Variants in SAMSN1 observed in about 807,000 individuals in gnomAD.
The protein encoded by SAMSN1 is SAM domain-containing protein SAMSN-1.
Under a neutral mutation model 42.0 loss-of-function variants are expected in SAMSN1, and 31 were observed. The ratio of observed to expected loss-of-function variants is 0.74; its 90% confidence interval spans 0.55 to 1.00. The LOEUF is 1.00. SAMSN1 is among the 50% of genes least tolerant of loss of function. The pLI, the probability that SAMSN1 is intolerant of heterozygous loss-of-function variation, is 0.00. For missense variants in SAMSN1, 464 were observed against 439.4 expected (o/e 1.06, Z -0.50); for synonymous variants, 178 against 151.9 (o/e 1.17, Z -1.26).
At chr21:14,586,446 A>G (rs1981921840), upstream of SAMSN1, among the ~76,000 whole-genome samples, 1 of 152,150 alleles carries the variant, frequency 6.6e-6, no homozygotes, top group African/African-American at 2.4e-5. Flanking sequence ...TAACCCATAA[A>G]TTAAACCTAG....
At chr21:14,553,736 T>C (rs1182242911) in intron 2 of SAMSN1, among the ~76,000 whole-genome samples, 2 of 152,182 alleles carry the variant, frequency 1.3e-5, no homozygotes, top group South Asian at 2.1e-4. Context: ...AATTGTCTTC[T>C]AGCTTTCAGA....
In SAMSN1 at chr21:14,526,294, A is replaced by G. The variant is rs534982061; in HGVS notation, c.58-5073T>C. Among the ~76,000 whole-genome samples the G allele has an allele frequency of 3.8e-3, 586 of 152,348 alleles. 4 individuals are homozygous for G. The highest frequency in any genetic ancestry group is 7.1e-3 in the Non-Finnish European group (483 of 68,034). On this transcript the variant is annotated intron_variant, in intron 1 of 7. Transcript: ENST00000400566. The stretch of plus-strand genomic sequence containing the variant: ...GCGTTTCCTAAATTCATTTTAATAC[A>G]TCTAACTTTTCTGATATAAATATGT...
At chr21:14,593,595 CT>C (rs1473532302) in intron 7 of SAMSN1, 1 of 153,480 alleles carries the variant, frequency 6.5e-6, no homozygotes, top group East Asian at 1.9e-4. Flanking sequence ...CAATTAATTA[CT>C]TGATTTCCTT....
intron 7 of SAMSN1, among the ~76,000 whole-genome samples, chr21:14,589,377 C>G (rs904020102): frequency 5.3e-5 from 8 of 151,334 alleles, no homozygotes; most frequent in Non-Finnish European, 7.4e-5. Context: ...TCTTTAAATG[C>G]CAGCATAATT....
intron 5 of SAMSN1, among the ~76,000 whole-genome samples, chr21:14,608,415 T>C (rs554546720): frequency 6.6e-6 from 1 of 152,290 alleles, no homozygotes; most frequent in African/African-American, 2.4e-5. Context: ...GGGGAGCATA[T>C]AGACTTGCCC....
intron 2 of SAMSN1, among the ~76,000 whole-genome samples, chr21:14,619,877 G>T (rs376918036): frequency 1.3e-5 from 2 of 152,052 alleles, no homozygotes; most frequent in East Asian, 1.9e-4. Context: ...AGGCCTGTTT[G>T]TTCAGCTTCC....
rs555286101 is a variant in SAMSN1 at position 14,539,091 on chromosome 21, T to A, written c.57+7114A>T. On this transcript the variant is annotated intron_variant, in intron 1 of 7. Transcript: ENST00000400566. ...CCATATTCTTTAACCTGGACCAAGT[T>A]CTACCTTTAGGTAACAATGGGATTC... is the stretch of plus-strand genomic sequence containing the variant. 2.0e-5 allele frequency among the ~76,000 whole-genome samples: 3 copies of A among 152,350 alleles called. No homozygotes were observed. The East Asian group carries it at 5.8e-4, about 29-fold the overall frequency.
chr21:14,485,760 C>A lies in SAMSN1; in HGVS notation c.*152G>T. On this transcript the variant is annotated 3_prime_UTR_variant, in exon 8 of 8. Coordinates refer to ENST00000400566, the MANE Select transcript of SAMSN1 (RefSeq NM_022136.5). The stretch of plus-strand genomic sequence containing the variant: ...ACAGTAATTTGGAATGTTAGAGATA[C>A]AAAATTTTATGTACAATTATTCAGA... 4 of 573,950 alleles carry A rather than the reference C, an allele frequency of 7.0e-6. No individual in the cohort carries two copies. Among genetic ancestry groups the A allele is most frequent in the South Asian group, 2.6e-5 (1 of 38,682 alleles). 35.6% of individuals were successfully genotyped at this position (573,950 alleles called of 1,614,324 possible). A position where few individuals can be genotyped will look rare whatever the true frequency, so the allele number is the denominator to read the frequency against.
At chr21:14,584,499 G>C (rs1170167357), upstream of SAMSN1, among the ~76,000 whole-genome samples, 1 of 152,044 alleles carries the variant, frequency 6.6e-6, no homozygotes, top group Non-Finnish European at 1.5e-5. Context: ...TGTTGAATTT[G>C]TATTTATACA....
upstream of SAMSN1, among the ~76,000 whole-genome samples, chr21:14,587,880 A>G (rs984149952): frequency 2.0e-4 from 28 of 141,520 alleles, no homozygotes; most frequent in Admixed American, 2.8e-4. Context: ...ATATCTCCCA[A>G]TGCTATCCCT....
chr21:14,618,702 GCA>G (rs112967746), intron 2 of SAMSN1, among the ~76,000 whole-genome samples: 24,820 of 144,890 alleles, frequency 0.17, 2,703 homozygotes, highest in African/African-American at 0.35. Flanking sequence ...GCGCGCGCGC[GCA>G]CGCGCGTGTG....
chr21:14,644,529 C>G (rs1360006597), intron 1 of SAMSN1, among the ~76,000 whole-genome samples: 1 of 152,086 alleles, frequency 6.6e-6, no homozygotes, highest in African/African-American at 2.4e-5. Context: ...TACCCAGGTA[C>G]TACATCAAGG....
intron 2 of SAMSN1, among the ~76,000 whole-genome samples, chr21:14,620,560 G>A (rs1436559059): frequency 3.9e-5 from 6 of 152,176 alleles, no homozygotes; most frequent in African/African-American, 9.7e-5. Context: ...CATTCAGTAT[G>A]CCAATGTGTG....
At chr21:14,611,717 C>T (rs1436510805) in intron 4 of SAMSN1, among the ~76,000 whole-genome samples, 3 of 152,124 alleles carry the variant, frequency 2.0e-5, no homozygotes, top group East Asian at 1.9e-4. Flanking sequence ...TAGGATCCAG[C>T]GCCTATAGAT....
intron 7 of SAMSN1, chr21:14,496,050 C>T (rs1986903651): frequency 6.6e-6 from 1 of 152,204 alleles, no homozygotes; most frequent in Admixed American, 6.5e-5. Flanking sequence ...CATCTTCCCT[C>T]TGTGGGCCCC....
chr21:14,522,084 T>C (rs2123043246), intron 1 of SAMSN1, among the ~76,000 whole-genome samples: 1 of 152,276 alleles, frequency 6.6e-6, no homozygotes, highest in South Asian at 2.1e-4. Context: ...AACATAGAAT[T>C]ACAATGAGAT....
intron 1 of SAMSN1, among the ~76,000 whole-genome samples, chr21:14,647,671 G>T: frequency 7.2e-6 from 1 of 138,734 alleles, no homozygotes; most frequent in African/African-American, 2.6e-5. Flanking sequence ...TTGAGCATTG[G>T]TTTGTAGTTC....
intron 5 of SAMSN1, among the ~76,000 whole-genome samples, chr21:14,509,955 C>A (rs964253173): frequency 6.6e-6 from 1 of 151,828 alleles, no homozygotes; most frequent in Non-Finnish European, 1.5e-5. Flanking sequence ...CTGGCTAACA[C>A]GGTGAAACCC....
chr21:14,551,794 T>C (rs909418950), intron 2 of SAMSN1, among the ~76,000 whole-genome samples: 1 of 152,124 alleles, frequency 6.6e-6, no homozygotes, highest in African/African-American at 2.4e-5. Flanking sequence ...GAGCTGGTAC[T>C]AATATTATCA....
Sources: allele counts gnomAD v4.1 joint callset (sites outside exome capture counted in the v4.1 genomes callset), GRCh38; gene constraint gnomAD v4.1.1; transcripts MANE v1.5; gene names NCBI Gene and HGNC (gene_info 2026-07-23, HGNC 2026-07-21).